Variants in MTMR3 observed in about 807,000 individuals in gnomAD.
The protein encoded by MTMR3 is phosphatidylinositol-3,5-bisphosphate 3-phosphatase MTMR3.
In MTMR3, 32 loss-of-function variants were observed where a neutral mutation model predicts 132.4. The ratio of observed to expected loss-of-function variants is 0.24; its 90% CI spans 0.18 to 0.32. MTMR3 has a LOEUF of 0.32. Ranked by LOEUF, MTMR3 falls within the 10% of genes least tolerant of loss-of-function variation. The pLI is 1.00. For missense variants in MTMR3, 1,216 were observed against 1,489.6 expected (o/e 0.82, Z 3.02); for synonymous variants, 556 against 550.3 (o/e 1.01, Z -0.14).
chr22:29,995,226 C>T (rs2067038919), intron 7 of MTMR3: 1 of 152,230 alleles, frequency 6.6e-6, no homozygotes, highest in Admixed American at 6.5e-5. Context: ...TGAATGCAGT[C>T]CAGGAAGTTG....
At chr22:29,920,011 C>A (rs992370498) in intron 1 of MTMR3, among the ~76,000 whole-genome samples, 1 of 151,900 alleles carries the variant, frequency 6.6e-6, no homozygotes, top group Non-Finnish European at 1.5e-5. Flanking sequence ...GTCAAGAGAT[C>A]GAGACCATCC....
intron 15 of MTMR3, chr22:30,017,087 AATAAGCAATG>A (rs1471908201): frequency 5.8e-6 from 1 of 173,760 alleles, no homozygotes; most frequent in Non-Finnish European, 1.2e-5. Flanking sequence ...TCCCAGTGTC[AATAAGCAATG>A]ATACCCACCA....
At chr22:30,008,661 C>T (rs987789995) in intron 11 of MTMR3, 3 of 202,652 alleles carry the variant, frequency 1.5e-5, no homozygotes, top group African/African-American at 4.7e-5. Flanking sequence ...ACGCATTGTT[C>T]TGTGGAGTTC....
At chr22:29,900,535 C>CT (rs2064985227) in intron 1 of MTMR3, among the ~76,000 whole-genome samples, 2 of 152,056 alleles carry the variant, frequency 1.3e-5, no homozygotes, top group Non-Finnish European at 2.9e-5. Context: ...AGTATTGAGG[C>CT]TTAGTTAACT....
At chr22:29,962,867 C>T (rs8138404) in intron 2 of MTMR3, among the ~76,000 whole-genome samples, 8,954 of 151,262 alleles carry the variant, frequency 0.059, 505 homozygotes, top group South Asian at 0.24. Context: ...GGTTCATTCA[C>T]GTTGAAGCAT....
At chr22:29,956,142 C>T (rs1003674066) in intron 1 of MTMR3, among the ~76,000 whole-genome samples, 4 of 152,134 alleles carry the variant, frequency 2.6e-5, no homozygotes, top group Non-Finnish European at 5.9e-5. Context: ...ATGGATGAGT[C>T]GTGTTTGCAC....
chr22:30,022,831 C>G, intron 19 of MTMR3, 134 bp downstream of exon 19: 1 of 767,714 alleles, frequency 1.3e-6, no homozygotes, highest in Non-Finnish European at 2.1e-6. Context: ...TCTTCCTGTG[C>G]CTCTGAAATT....
At chr22:29,910,121 G>A (rs1392913895) in intron 1 of MTMR3, among the ~76,000 whole-genome samples, 1 of 151,024 alleles carries the variant, frequency 6.6e-6, no homozygotes, top group Non-Finnish European at 1.5e-5. Context: ...CCGAGATTGT[G>A]CCACTGCACT....
chr22:29,901,775 C>T (rs2065006186), intron 1 of MTMR3, among the ~76,000 whole-genome samples: 1 of 152,174 alleles, frequency 6.6e-6, no homozygotes, highest in Non-Finnish European at 1.5e-5. Context: ...TGGCCGCAAG[C>T]TCCTGGTCTC....
intron 1 of MTMR3, among the ~76,000 whole-genome samples, chr22:29,922,030 CTT>C (rs537101747): frequency 4.2e-5 from 6 of 141,948 alleles, no homozygotes; most frequent in Admixed American, 7.1e-5. Flanking sequence ...TATATCATGT[CTT>C]TTTTTTTTTT....
chr22:29,891,836 A>T (rs1024444426), intron 1 of MTMR3, among the ~76,000 whole-genome samples: 5 of 151,898 alleles, frequency 3.3e-5, no homozygotes, highest in Non-Finnish European at 1.5e-5. Context: ...GGTCCAGTTT[A>T]GTTGGATCAT....
At chr22:29,999,237 A>C (rs9608832) in intron 8 of MTMR3, 8,933 of 153,464 alleles carry the variant, frequency 0.058, 376 homozygotes, top group South Asian at 0.089. Flanking sequence ...AACATTTATG[A>C]ACTAGTTTTT....
intron 5 of MTMR3, chr22:29,979,954 G>A (rs2066707652): frequency 6.6e-6 from 1 of 152,176 alleles, no homozygotes; most frequent in Non-Finnish European, 1.5e-5. Context: ...TTCTTCCAGT[G>A]CTCTGCTATC....
intron 14 of MTMR3, chr22:30,016,305 A>C: frequency 2.1e-6 from 1 of 487,290 alleles, no homozygotes; most frequent in South Asian, 2.8e-5. Context: ...CACGGAAGCT[A>C]AGAGGAATAG....
At chr22:30,015,742 A>G (rs1306120874) in intron 14 of MTMR3, 1 of 152,120 alleles carries the variant, frequency 6.6e-6, no homozygotes, top group African/African-American at 2.4e-5. Flanking sequence ...ACAAAAGCCA[A>G]AGTTCTTAAA....
intron 1 of MTMR3, among the ~76,000 whole-genome samples, chr22:29,883,802 C>T (rs1049678481): frequency 6.6e-6 from 1 of 152,136 alleles, no homozygotes; most frequent in African/African-American, 2.4e-5. Flanking sequence ...AGGTCAGGGG[C>T]CATGGGAGCC....
At chr22:29,955,876 T>G (rs2066179347) in intron 1 of MTMR3, among the ~76,000 whole-genome samples, 1 of 152,106 alleles carries the variant, frequency 6.6e-6, no homozygotes, top group African/African-American at 2.4e-5. Context: ...CTCAGCCTCC[T>G]GAGTAGCTGG....
intron 1 of MTMR3, among the ~76,000 whole-genome samples, chr22:29,945,017 T>C (rs1433341069): frequency 2.0e-5 from 3 of 152,192 alleles, no homozygotes; most frequent in African/African-American, 7.2e-5. Context: ...AATGAATTGT[T>C]TAAATATTAT....
chr22:29,934,097 G>C lies in MTMR3; in HGVS notation c.-137-22939G>C, dbSNP rs545097264. Among the ~76,000 whole-genome samples, 3 of 152,338 alleles carry C rather than the reference G, an allele frequency of 2.0e-5. No homozygotes were observed. In the South Asian group the frequency reaches 6.2e-4, roughly 32 times the overall value. ...TAGCTGGGCACGGTGGCTCACGCCT[G>C]TAATTCCAGCACTTTGGGAGGTAGA... On this transcript the variant is annotated intron_variant, in intron 1 of 19. Coordinates refer to ENST00000401950, the MANE Select transcript of MTMR3 (RefSeq NM_021090.4).
Sources: gnomAD v4.1 joint callset for allele counts (sites outside exome capture counted in the v4.1 genomes callset) on GRCh38, gnomAD v4.1.1 for gene constraint, MANE v1.5 for transcripts, NCBI Gene and HGNC (gene_info 2026-07-23, HGNC 2026-07-21) for gene names.